Variants in SYNDIG1L observed in about 807,000 individuals in gnomAD.
The protein encoded by SYNDIG1L is synapse differentiation-inducing gene protein 1-like.
A neutral mutation model predicts 20.1 loss-of-function variants in SYNDIG1L; 13 were observed. The observed-to-expected ratio is 0.65, with a 90% CI of 0.42 to 1.03. SYNDIG1L has a LOEUF of 1.03. Ranked by LOEUF, SYNDIG1L falls within the 50% of genes least tolerant of loss-of-function variation. The pLI is 0.00. For synonymous variants in SYNDIG1L, 128 were observed against 129.3 expected, an observed-to-expected ratio of 0.99 and a Z score of 0.07; for missense variants, 294 against 305.1, an observed-to-expected ratio of 0.96 and a Z score of 0.27.
chr14:74,432,888 A>T, the SYNDIG1L span, among the ~76,000 whole-genome samples: 1 of 151,856 alleles, frequency 6.6e-6, no homozygotes, highest in Non-Finnish European at 1.5e-5. Context: ...AGATGGATGG[A>T]CGGTAGACTT....
the SYNDIG1L span, among the ~76,000 whole-genome samples, chr14:74,462,628 C>T: frequency 6.6e-6 from 1 of 152,020 alleles, no homozygotes; most frequent in Non-Finnish European, 1.5e-5. Flanking sequence ...GCCTCAGCTT[C>T]CCAAGTAGAT....
chr14:74,476,854 A>G, the SYNDIG1L span, among the ~76,000 whole-genome samples: 12 of 152,272 alleles, frequency 7.9e-5, no homozygotes, highest in East Asian at 1.9e-3. Context: ...GTCAACTGAC[A>G]GCTGTAAGTG....
the SYNDIG1L span, among the ~76,000 whole-genome samples, chr14:74,455,827 G>T: frequency 9.2e-5 from 14 of 152,200 alleles, 2 homozygotes; most frequent in East Asian, 2.1e-3. Context: ...TTCTGACCCC[G>T]CTTCTGGGTG....
intron 1 of SYNDIG1L, among the ~76,000 whole-genome samples, chr14:74,423,639 G>A (rs1451226585): frequency 6.6e-6 from 1 of 152,098 alleles, no homozygotes; most frequent in Non-Finnish European, 1.5e-5. Context: ...GGCTGGACCT[G>A]CCACAGTTGA....
chr14:74,427,834 T>C (rs1409083722), upstream of SYNDIG1L, among the ~76,000 whole-genome samples: 1 of 152,198 alleles, frequency 6.6e-6, no homozygotes, highest in Non-Finnish European at 1.5e-5. Context: ...GCCACCCTCC[T>C]GTACCTTTGC....
chr14:74,448,937 T>A, the SYNDIG1L span, among the ~76,000 whole-genome samples: 1 of 151,692 alleles, frequency 6.6e-6, no homozygotes, highest in Non-Finnish European at 1.5e-5. Context: ...AGAAAAGAAA[T>A]AGGAAAATTA....
the SYNDIG1L span, among the ~76,000 whole-genome samples, chr14:74,471,582 C>A: frequency 2.0e-5 from 3 of 150,380 alleles, no homozygotes; most frequent in African/African-American, 7.4e-5. Context: ...TGGGTGACAA[C>A]GTGAGACCCT....
chr14:74,446,978 C>T, the SYNDIG1L span, among the ~76,000 whole-genome samples: 4 of 152,044 alleles, frequency 2.6e-5, no homozygotes, highest in East Asian at 5.8e-4. Flanking sequence ...CAGTGGCTCA[C>T]GCTTGTGATT....
chr14:74,473,057 C>G, the SYNDIG1L span, among the ~76,000 whole-genome samples: 1 of 152,060 alleles, frequency 6.6e-6, no homozygotes, highest in African/African-American at 2.4e-5. Flanking sequence ...TAACCAAGAC[C>G]AGTAATGCAG....
chr14:74,466,075 C>CT, the SYNDIG1L span, among the ~76,000 whole-genome samples: 3,590 of 152,298 alleles, frequency 0.024, 65 homozygotes, highest in Non-Finnish European at 0.036. Flanking sequence ...CCTAACTCGG[C>CT]TTAGCTCCCC....
the SYNDIG1L span, among the ~76,000 whole-genome samples, chr14:74,477,805 T>C: frequency 6.6e-6 from 1 of 152,210 alleles, no homozygotes; most frequent in African/African-American, 2.4e-5. Context: ...CAAAACCTGC[T>C]CCGTGGACTA....
the SYNDIG1L span, chr14:74,471,780 AAG>A: frequency 1.3e-5 from 2 of 152,190 alleles, no homozygotes; most frequent in South Asian, 4.1e-4. Flanking sequence ...TCTGTCTCTA[AAG>A]AGTGTGTCCT....
chr14:74,443,853 G>A, the SYNDIG1L span, among the ~76,000 whole-genome samples: 1 of 152,112 alleles, frequency 6.6e-6, no homozygotes, highest in East Asian at 1.9e-4. Context: ...GGAGTGAGGG[G>A]TCAGGGGGAT....
chr14:74,411,687 G>A (rs1281292184), intron 1 of SYNDIG1L, among the ~76,000 whole-genome samples: 1 of 152,154 alleles, frequency 6.6e-6, no homozygotes, highest in East Asian at 1.9e-4. Flanking sequence ...GACACTGAGG[G>A]TGTGTCCATG....
chr14:74,472,752 T>C, the SYNDIG1L span, among the ~76,000 whole-genome samples: 1 of 151,840 alleles, frequency 6.6e-6, no homozygotes, highest in Admixed American at 6.6e-5. Context: ...GTTAACTAAA[T>C]GAAAAGGGGT....
chr14:74,426,304 G>A (rs1474975592), upstream of SYNDIG1L, among the ~76,000 whole-genome samples: 1 of 152,128 alleles, frequency 6.6e-6, no homozygotes, highest in East Asian at 1.9e-4. Context: ...CCACGCTCCG[G>A]AATCAGCCCA....
At chr14:74,468,444 C>A in the SYNDIG1L span, among the ~76,000 whole-genome samples, 1 of 152,066 alleles carries the variant, frequency 6.6e-6, no homozygotes, top group Non-Finnish European at 1.5e-5. Context: ...TTGACCTTCC[C>A]TTTACCTTCC....
chr14:74,413,374 T>G (rs796671637), intron 1 of SYNDIG1L, among the ~76,000 whole-genome samples: 2 of 152,136 alleles, frequency 1.3e-5, no homozygotes, highest in South Asian at 4.2e-4. Context: ...TGGGAACAAG[T>G]TAAATAAATT....
the SYNDIG1L span, among the ~76,000 whole-genome samples, chr14:74,453,529 T>C: frequency 1.3e-5 from 2 of 151,980 alleles, no homozygotes; most frequent in Non-Finnish European, 2.9e-5. Context: ...TGGTGATAGT[T>C]TCATGGGTAT....
Sources: allele counts gnomAD v4.1 joint callset (sites outside exome capture counted in the v4.1 genomes callset), GRCh38; gene constraint gnomAD v4.1.1; transcripts MANE v1.5; gene names NCBI Gene and HGNC (gene_info 2026-07-23, HGNC 2026-07-21).